Variants in MYO9B observed in about 807,000 individuals in gnomAD.
MYO9B encodes the protein unconventional myosin-IXb.
A neutral mutation model predicts 229.5 loss-of-function variants in MYO9B; 71 were observed. That is an observed-to-expected ratio of 0.31 (90% CI 0.26 to 0.38). The LOEUF (loss-of-function observed/expected upper bound fraction) is 0.38. Ranked by LOEUF, MYO9B falls within the 10% of genes least tolerant of loss-of-function variation. The probability of loss-of-function intolerance (pLI) is 1.00; values close to 1 mark genes in which losing one functional copy is unlikely to be tolerated. For missense variants in MYO9B, 2,255 were observed against 2,920.5 expected (o/e 0.77, Z 5.25); for synonymous variants, 1,185 against 1,235.8 (o/e 0.96, Z 0.86).
intron 3 of MYO9B, among the ~76,000 whole-genome samples, chr19:17,148,180 A>G (rs537156469): frequency 6.6e-6 from 1 of 152,284 alleles, no homozygotes; most frequent in East Asian, 1.9e-4. Context: ...CCTTGTTGGG[A>G]AGATGACACA....
Position 17,153,950 on chromosome 19 carries a change from C to T in MYO9B, c.999-17C>T. On this transcript the variant is annotated splice_polypyrimidine_tract_variant and intron_variant, in intron 4 of 39. Coordinates refer to ENST00000682292, the MANE Select transcript of MYO9B (RefSeq NM_004145.4). ...GCCTCCAAAAACAACTATTTTCCTCCCAATTTTGACCTGTAGGAACTACCA... is the reference window on the plus strand; with the variant it reads ...GCCTCCAAAAACAACTATTTTCCTCTCAATTTTGACCTGTAGGAACTACCA... The T allele has an allele frequency of 6.2e-7, 1 of 1,605,366 alleles. No homozygotes were observed. Among genetic ancestry groups the T allele is most frequent in the South Asian group, 1.1e-5 (1 of 90,904 alleles).
rs55955348 is a variant in MYO9B, at chr19:17,101,954, C to G, written c.237C>G (p.Asp79Glu). Residue 79 changes from aspartate to glutamate, a missense_variant, in exon 2 of 40, where the codon GAC (aspartate) becomes GAG (glutamate). By Grantham distance (45) the Asp-to-Glu change is conservative. Coordinates refer to ENST00000682292, the MANE Select transcript of MYO9B (RefSeq NM_004145.4). This position sits in a 1 kb window ranked among gnomAD's most constrained non-coding sequence, Gnocchi z 4.7. ...KESGGEEWVLDANDSPVHRVL... is the reference protein window; with the variant it reads ...KESGGEEWVLEANDSPVHRVL... ...CGGGAGGCGAGGAATGGGTGCTGGA[C>G]GCCAACGACTCGCCTGTGCACCGGG... 6.2e-7 allele frequency: 1 copy of G among 1,613,400 alleles called. No homozygotes were observed. Among genetic ancestry groups the G allele is most frequent in the South Asian group, 1.1e-5 (1 of 91,066 alleles).
rs753397471 is a variant in MYO9B at position 17,102,111 on chromosome 19, A to G, written c.394A>G (p.Thr132Ala). The G allele has an allele frequency of 6.2e-7, 1 of 1,613,294 alleles. No homozygotes were observed. Among genetic ancestry groups the G allele is most frequent in the African/African-American group, 1.3e-5 (1 of 75,054 alleles). Residue 132 changes from threonine (T) to alanine (A), a missense_variant, in exon 2 of 40, where the codon ACC becomes GCC. By Grantham distance (58) the Thr-to-Ala change is moderately conservative (BLOSUM62 0). Transcript: ENST00000682292. ...GCAGCTGGTGGCGCAGGCCACAGCC[A>G]CCCGGCGCCTAGTGGAGCGTGGCCT... ...HMQLVAQATA[T>A]RRLVERGLLP...
Position 17,185,017 on chromosome 19 carries a change from C to T in MYO9B, c.2496+30C>T, listed in dbSNP as rs535666374. ...GTGGAGCAGGAGAGGCAGAAGGTGG[C>T]GGTCAGCTCAGCCTCAGGCTTGTGT... On this transcript the variant is annotated intron_variant, in intron 17 of 39. Transcript: ENST00000682292. 8.7e-5 allele frequency: 140 copies of T among 1,613,168 alleles called. No homozygotes were observed. The South Asian group carries it at 1.3e-3, about 15-fold the overall frequency.
chr19:17,166,744 A>T (rs2145334681), intron 10 of MYO9B, among the ~76,000 whole-genome samples: 1 of 152,282 alleles, frequency 6.6e-6, no homozygotes, highest in South Asian at 2.1e-4. Flanking sequence ...ATAAATAAGA[A>T]CATGCAATAT....
rs370324959 is a variant in MYO9B, at chr19:17,198,167, A to G, written c.4114-17A>G. On this transcript the variant is annotated splice_polypyrimidine_tract_variant and intron_variant, in intron 23 of 39. Transcript: ENST00000682292. ...GCCAGCCTTTCCTTAGCAGCCCCCC[A>G]CTGCACCGTCTTGCAGCCTGCAGCA... 1.2e-6 allele frequency: 2 copies of G among 1,613,398 alleles called. No individual in the cohort carries two copies. Among genetic ancestry groups the G allele is most frequent in the Non-Finnish European group, 1.7e-6 (2 of 1,179,804 alleles).
chr19:17,142,517 T>C (rs2145221307), intron 2 of MYO9B, among the ~76,000 whole-genome samples: 1 of 152,220 alleles, frequency 6.6e-6, no homozygotes. Context: ...CACCAAACTT[T>C]AGGGCTCCTC....
chr19:17,180,726 G>A (rs1328433111), intron 14 of MYO9B: 2 of 535,868 alleles, frequency 3.7e-6, no homozygotes, highest in Non-Finnish European at 6.6e-6. Context: ...CCCGCTCCAG[G>A]GCTTGGGGAG....
intron 2 of MYO9B, among the ~76,000 whole-genome samples, chr19:17,116,848 G>A (rs1365045005): frequency 3.3e-5 from 5 of 152,072 alleles, no homozygotes; most frequent in African/African-American, 9.7e-5. Flanking sequence ...GCACCCCACC[G>A]CCACCCCCAA....
At chr19:17,150,422 A>G (rs894543828) in intron 3 of MYO9B, among the ~76,000 whole-genome samples, 5 of 151,402 alleles carry the variant, frequency 3.3e-5, no homozygotes, top group African/African-American at 4.8e-5. Context: ...AAAAAAAAAA[A>G]GACTGCTATG....
chr19:17,185,049 A>C, intron 17 of MYO9B, 62 bp downstream of exon 17: 2 of 1,608,586 alleles, frequency 1.2e-6, no homozygotes, highest in South Asian at 2.2e-5. Flanking sequence ...GTGTAGCTTC[A>C]CCCGACACCG....
chr19:17,122,986 G>A (rs532144392), intron 2 of MYO9B, among the ~76,000 whole-genome samples: 3 of 152,274 alleles, frequency 2.0e-5, no homozygotes, highest in African/African-American at 7.2e-5. Context: ...TACTCAAGAG[G>A]TTGAGGTGGG....
chr19:17,136,536 A>C (rs1025715030), intron 2 of MYO9B, among the ~76,000 whole-genome samples: 2 of 152,102 alleles, frequency 1.3e-5, no homozygotes, highest in Non-Finnish European at 2.9e-5. Context: ...GTCTGTGTAC[A>C]TCAATGCTCC....
intron 1 of MYO9B, among the ~76,000 whole-genome samples, chr19:17,085,140 G>C (rs923470000): frequency 1.2e-4 from 19 of 152,196 alleles, no homozygotes; most frequent in Non-Finnish European, 1.0e-4. Flanking sequence ...GGGAGCTGGG[G>C]AGTGGCTGTT....
At chr19:17,091,465 G>A (rs1269815152) in intron 1 of MYO9B, among the ~76,000 whole-genome samples, 2 of 152,214 alleles carry the variant, frequency 1.3e-5, no homozygotes, top group Non-Finnish European at 2.9e-5. Context: ...CCAGCACTTT[G>A]GGAGGCCGAG....
chr19:17,203,487 C>A (rs2073129321), intron 30 of MYO9B, among the ~76,000 whole-genome samples: 1 of 151,946 alleles, frequency 6.6e-6, no homozygotes, highest in Non-Finnish European at 1.5e-5. Flanking sequence ...GTAGTGGGCA[C>A]CTGTAATCCC....
At chr19:17,163,214 TCAG>T (rs1374367115) in intron 10 of MYO9B, 92 bp downstream of exon 10, 3 of 1,359,874 alleles carry the variant, frequency 2.2e-6, no homozygotes, top group Middle Eastern at 3.8e-4. Flanking sequence ...AATATTCAGT[TCAG>T]CGGCGGTAAG....
intron 34 of MYO9B, 79 bp downstream of exon 34, chr19:17,206,863 C>T (rs1222529629): frequency 2.5e-5 from 33 of 1,338,706 alleles, no homozygotes; most frequent in East Asian, 1.0e-4. Flanking sequence ...CAGGAGGACC[C>T]GAGCTGGCGT....
At chr19:17,190,395 G>C (rs2072969749) in intron 19 of MYO9B, among the ~76,000 whole-genome samples, 2 of 147,296 alleles carry the variant, frequency 1.4e-5, no homozygotes, top group South Asian at 4.6e-4. Context: ...ATGTTGGCCA[G>C]GCTGGTCTCA....
Sources: gnomAD v4.1 joint callset for allele counts (sites outside exome capture counted in the v4.1 genomes callset) on GRCh38, gnomAD v4.1.1 for gene constraint, Gnocchi (gnomAD v3.1) non-coding constraint, MANE v1.5 for transcripts, NCBI Gene and HGNC (gene_info 2026-07-23, HGNC 2026-07-21) for gene names.